Variants in SLC4A4 observed in about 807,000 individuals in gnomAD.
SLC4A4 encodes electrogenic sodium bicarbonate cotransporter 1.
In SLC4A4, 27 loss-of-function variants were observed where a neutral mutation model predicts 111.5. The observed-to-expected ratio is 0.24, with a 90% CI of 0.18 to 0.33. The LOEUF (loss-of-function observed/expected upper bound fraction) is 0.33, where lower values mean the gene tolerates loss of function less well. SLC4A4 is among the 10% of genes least tolerant of loss of function. SLC4A4 has a pLI of 1.00. For missense variants in SLC4A4, 909 were observed against 1,315.5 expected, an observed-to-expected ratio of 0.69 and a Z score of 4.78; for synonymous variants, 443 against 463.4, an observed-to-expected ratio of 0.96 and a Z score of 0.57.
chr4:71,080,003 C>T (rs1741949754), intron 1 of SLC4A4, among the ~76,000 whole-genome samples: 1 of 151,982 alleles, frequency 6.6e-6, no homozygotes, highest in South Asian at 2.1e-4. Flanking sequence ...GCCAGCAACA[C>T]CCCTCTCTGG....
chr4:71,266,130 G>A (rs768431178), intron 3 of SLC4A4, among the ~76,000 whole-genome samples: 3 of 152,186 alleles, frequency 2.0e-5, no homozygotes, highest in Non-Finnish European at 4.4e-5. Flanking sequence ...CTGTCCTCTT[G>A]GTAGTCTGCC....
chr4:71,522,873 A>G (rs1733079380), intron 16 of SLC4A4, among the ~76,000 whole-genome samples: 1 of 152,208 alleles, frequency 6.6e-6, no homozygotes, highest in Admixed American at 6.5e-5. Context: ...AGAAACTTTA[A>G]TGAAAACATA....
chr4:71,136,958 G>A (rs1743864283), intron 2 of SLC4A4, among the ~76,000 whole-genome samples: 1 of 152,114 alleles, frequency 6.6e-6, no homozygotes, highest in African/African-American at 2.4e-5. Flanking sequence ...CAAGGTCTAT[G>A]CTCTTACTCT....
At chr4:71,195,233 T>G (rs1166217682) in intron 1 of SLC4A4, among the ~76,000 whole-genome samples, 2 of 109,670 alleles carry the variant, frequency 1.8e-5, no homozygotes, top group African/African-American at 9.5e-5. Context: ...TATTTGAGTT[T>G]TTTTTTTTTT....
At chr4:71,476,351 A>G (rs753643011) in intron 14 of SLC4A4, among the ~76,000 whole-genome samples, 10 of 151,784 alleles carry the variant, frequency 6.6e-5, no homozygotes, top group Non-Finnish European at 1.0e-4. Flanking sequence ...TAAAAATAAC[A>G]AAAGACTGGC....
intron 3 of SLC4A4, among the ~76,000 whole-genome samples, chr4:71,273,028 C>T (rs1209243368): frequency 6.6e-6 from 1 of 152,188 alleles, no homozygotes; most frequent in Non-Finnish European, 1.5e-5. Context: ...ATAATAACTG[C>T]CACGTCTACC....
intron 10 of SLC4A4, 25 bp from the exon 11 acceptor site, chr4:71,451,163 T>C: frequency 7.1e-7 from 1 of 1,405,340 alleles, no homozygotes; most frequent in Non-Finnish European, 1.0e-6. Context: ...ACTAATATAC[T>C]CTTGGGCTCT....
At chr4:71,157,556 T>G (rs1744512299) in intron 2 of SLC4A4, among the ~76,000 whole-genome samples, 1 of 151,306 alleles carries the variant, frequency 6.6e-6, no homozygotes, top group African/African-American at 2.5e-5. Context: ...ACTTACTATT[T>G]TTGCATACAT....
chr4:71,339,598 A>G, intron 4 of SLC4A4, 93 bp downstream of exon 4: 4 of 1,213,174 alleles, frequency 3.3e-6, no homozygotes, highest in Non-Finnish European at 4.9e-6. Context: ...TAGCCTTAGC[A>G]CTTTGAATGG....
chr4:71,180,080 T>C (rs1429685516), intron 2 of SLC4A4, among the ~76,000 whole-genome samples: 1 of 152,136 alleles, frequency 6.6e-6, no homozygotes, highest in Non-Finnish European at 1.5e-5. Context: ...TTGACAAACC[T>C]GACAAAAACA....
intron 1 of SLC4A4, among the ~76,000 whole-genome samples, chr4:71,065,667 C>T (rs558242219): frequency 1.3e-5 from 2 of 152,170 alleles, no homozygotes; most frequent in East Asian, 3.9e-4. Flanking sequence ...TCTCTTGCTT[C>T]TGGGACTTTG....
intron 5 of SLC4A4, among the ~76,000 whole-genome samples, chr4:71,352,809 A>T (rs750932413): frequency 6.6e-6 from 1 of 152,224 alleles, no homozygotes; most frequent in Non-Finnish European, 1.5e-5. Context: ...ATAGAGAGAC[A>T]CTCAGTGACT....
At chr4:71,333,498 A>G (rs1236817603) in intron 3 of SLC4A4, among the ~76,000 whole-genome samples, 2 of 152,228 alleles carry the variant, frequency 1.3e-5, no homozygotes, top group Non-Finnish European at 2.9e-5. Flanking sequence ...TCAGCACAGC[A>G]TTGGATCTCA....
chr4:71,364,647 T>C (rs924969575), intron 6 of SLC4A4, among the ~76,000 whole-genome samples: 2 of 152,196 alleles, frequency 1.3e-5, no homozygotes, highest in African/African-American at 4.8e-5. Context: ...GGTGGAGCTC[T>C]CTTGACTTAA....
intron 3 of SLC4A4, among the ~76,000 whole-genome samples, chr4:71,256,990 G>T (rs1218495777): frequency 6.6e-6 from 1 of 152,102 alleles, no homozygotes; most frequent in Non-Finnish European, 1.5e-5. Flanking sequence ...TAGACAAATA[G>T]GCCCAGGAAT....
intron 3 of SLC4A4, among the ~76,000 whole-genome samples, chr4:71,303,710 G>A (rs1725452969): frequency 6.6e-6 from 1 of 152,218 alleles, no homozygotes; most frequent in East Asian, 1.9e-4. Context: ...CCAGCTAGGT[G>A]TTTTTCACAT....
rs1303109158 is a variant in SLC4A4 at position 71,472,746 on chromosome 4, G to T, written c.1679G>T (p.Trp560Leu). The T allele has an allele frequency of 6.2e-7, 1 of 1,612,864 alleles. No homozygotes were observed. The highest frequency in any genetic ancestry group is 8.5e-7 in the Non-Finnish European group (1 of 1,179,266). Residue 560 changes from tryptophan (W) to leucine (L), a missense_variant, in exon 14 of 26, where the codon TGG becomes TTG. By Grantham distance (61) the Trp-to-Leu change is moderately conservative (BLOSUM62 -2). Around this residue, in one of 7 missense-constraint regions of SLC4A4, gnomAD observed 264 missense variants for 356.8 expected, o/e 0.74. Coordinates refer to ENST00000264485, the MANE Select transcript of SLC4A4 (RefSeq NM_001098484.3). ...YLEFRLWIGL[W>L]SAFLCLILVA... ...GAGTTTCGCCTTTGGATTGGCCTGT[G>T]GTCCGCCTTCCTATGTCTCATTTTG...
At chr4:71,505,671 C>T (rs1008228417) in intron 16 of SLC4A4, among the ~76,000 whole-genome samples, 7 of 152,018 alleles carry the variant, frequency 4.6e-5, no homozygotes, top group African/African-American at 1.7e-4. Flanking sequence ...GTTTCTTTTG[C>T]TGGGCAGAAG....
chr4:71,464,534 A>G (rs1048360204), intron 12 of SLC4A4, among the ~76,000 whole-genome samples: 1 of 152,162 alleles, frequency 6.6e-6, no homozygotes, highest in Non-Finnish European at 1.5e-5. Flanking sequence ...ATCCATGTAA[A>G]TGGAAGTCCT....
Sources: allele counts gnomAD v4.1 joint callset (sites outside exome capture counted in the v4.1 genomes callset), GRCh38; gene constraint gnomAD v4.1.1; regional missense constraint gnomAD v4.1.1; transcripts MANE v1.5; gene names NCBI Gene and HGNC (gene_info 2026-07-23, HGNC 2026-07-21).